The following RASGRF1 variants were observed in gnomAD, a reference collection of about 807,000 sequenced individuals.
RASGRF1 encodes the protein Ras protein specific guanine nucleotide releasing factor 1.
RASGRF1 carries 40 observed loss-of-function variants against 138.7 expected under a neutral mutation model. That is an observed-to-expected ratio of 0.29 (90% CI 0.22 to 0.38). The LOEUF is 0.38. Among genes scored for constraint, RASGRF1 ranks in the 10% least tolerant of loss-of-function variants. The pLI, the probability that RASGRF1 is intolerant of heterozygous loss-of-function variation, is 1.00. For missense variants in RASGRF1, 1,108 were observed against 1,650.4 expected, an observed-to-expected ratio of 0.67 and a Z score of 5.69; for synonymous variants, 614 against 663.2, an observed-to-expected ratio of 0.93 and a Z score of 1.14.
intron 1 of RASGRF1, among the ~76,000 whole-genome samples, chr15:79,069,239 T>TG (rs945046440): frequency 3.3e-5 from 5 of 152,300 alleles, no homozygotes; most frequent in African/African-American, 9.6e-5. Context: ...TGCTTCACCT[T>TG]GGGGTTCTGA....
At chr15:79,001,063 C>T (rs906328375) in intron 16 of RASGRF1, among the ~76,000 whole-genome samples, 5 of 152,190 alleles carry the variant, frequency 3.3e-5, no homozygotes, top group East Asian at 3.8e-4. Flanking sequence ...TTATGAAAAC[C>T]GGAGACCAAG....
intron 25 of RASGRF1, 76 bp from the exon 26 acceptor site, chr15:78,972,010 G>T (rs2055770553): frequency 1.6e-6 from 2 of 1,274,720 alleles, no homozygotes; most frequent in Admixed American, 3.4e-5. Context: ...AGCTGAAGGG[G>T]CATCAACAAC....
At chr15:78,984,260 G>A (rs975865245) in intron 23 of RASGRF1, among the ~76,000 whole-genome samples, 4 of 152,136 alleles carry the variant, frequency 2.6e-5, no homozygotes, top group African/African-American at 9.7e-5. Context: ...TGTCTACTGG[G>A]GGTGCTTGTC....
intron 18 of RASGRF1, 86 bp downstream of exon 18, chr15:78,998,633 C>T: frequency 3.5e-6 from 4 of 1,152,978 alleles, no homozygotes; most frequent in African/African-American, 1.5e-5. Flanking sequence ...CTCACTCTGC[C>T]CGCAGCTGCT....
intron 15 of RASGRF1, among the ~76,000 whole-genome samples, chr15:79,002,798 CT>C (rs986283649): frequency 5.9e-5 from 9 of 152,354 alleles, no homozygotes; most frequent in African/African-American, 2.2e-4. Context: ...GAGGATTTAT[CT>C]TGCCCCAGCT....
Position 78,961,382 on chromosome 15 carries a change from C to A in RASGRF1, c.*762G>T. The A allele has an allele frequency of 6.6e-6, 1 of 152,276 alleles. No homozygotes were observed. 9.4% of individuals were successfully genotyped at this position (152,276 alleles called of 1,614,324 possible). A position where few individuals can be genotyped will look rare whatever the true frequency, so the allele number is the denominator to read the frequency against. Reference sequence around the variant, plus strand: ...TTCCCGACTTTCAGTGGATGCTGGGCCAGTGGTCGGCAAGAGTCGACGTGG... The same window carrying A: ...TTCCCGACTTTCAGTGGATGCTGGGACAGTGGTCGGCAAGAGTCGACGTGG... On this transcript the variant is annotated 3_prime_UTR_variant, in exon 27 of 27. Coordinates refer to ENST00000558480, the MANE Select transcript of RASGRF1 (RefSeq NM_001145648.3).
At position 78,984,985 on chromosome 15, in the gene RASGRF1, G is replaced by C. The variant is rs11855236; in HGVS notation, c.3414+22C>G. The C allele has an allele frequency of 9.6e-3, 15,492 of 1,608,200 alleles. 1,187 individuals carry two copies. The African/African-American group carries it at 0.18, about 18-fold the overall frequency. ...CCCAATCCAGCCCCAGGGAGGCAGT[G>C]GTGCCAGCCTCCTGCCCGCACCTGC... On this transcript the variant is annotated intron_variant, in intron 23 of 26. Coordinates refer to ENST00000558480, the MANE Select transcript of RASGRF1 (RefSeq NM_001145648.3).
intron 19 of RASGRF1, among the ~76,000 whole-genome samples, chr15:78,996,737 C>T (rs62011188): frequency 3.3e-4 from 48 of 147,322 alleles, no homozygotes; most frequent in East Asian, 6.0e-4. Flanking sequence ...TGTGTGTGTG[C>T]GTGTGTGTGT....
chr15:79,024,040 AACACACACACACACAT>A (rs1567536064), intron 10 of RASGRF1, among the ~76,000 whole-genome samples: 10 of 146,322 alleles, frequency 6.8e-5, no homozygotes, highest in African/African-American at 2.3e-4. Context: ...CACACATACA[AACACACACACACACAT>A]ACACATACAC....
At chr15:79,039,499 T>C (rs986494012) in intron 5 of RASGRF1, among the ~76,000 whole-genome samples, 3 of 152,148 alleles carry the variant, frequency 2.0e-5, no homozygotes, top group African/African-American at 7.2e-5. Flanking sequence ...ATTATCTGTT[T>C]GTATGCATTC....
At chr15:78,994,356 T>C (rs903388681) in intron 20 of RASGRF1, among the ~76,000 whole-genome samples, 8 of 152,170 alleles carry the variant, frequency 5.3e-5, no homozygotes. Context: ...CCCTCACCAC[T>C]TCCAGGAACC....
intron 17 of RASGRF1, 57 bp downstream of exon 17, chr15:78,999,686 C>T (rs565393517): frequency 1.0e-5 from 16 of 1,571,732 alleles, no homozygotes; most frequent in South Asian, 2.2e-5. Context: ...GCTGCTATCA[C>T]CTGCCACTGG....
intron 26 of RASGRF1, among the ~76,000 whole-genome samples, 197 bp from the exon 27 acceptor site, chr15:78,962,433 A>AT (rs1488885709): frequency 6.6e-6 from 1 of 152,236 alleles, no homozygotes; most frequent in Non-Finnish European, 1.5e-5. Context: ...TCTTAGGATT[A>AT]TTATTTAATA....
chr15:79,019,337 C>A (rs770190627), intron 11 of RASGRF1, among the ~76,000 whole-genome samples: 39 of 152,140 alleles, frequency 2.6e-4, no homozygotes, highest in Non-Finnish European at 4.9e-4. Flanking sequence ...AGTGATCCCA[C>A]CCCCTAATCT....
chr15:79,006,635 C>A lies in RASGRF1; in HGVS notation c.1827-201G>T, dbSNP rs906411638. ...ATCCTAAAAACTCTCCATTATAAAA[C>A]CCCTAGAAATACTGGAGAAGTATTA... On this transcript the variant is annotated intron_variant, in intron 13 of 26. Transcript: ENST00000558480. The surrounding 1 kb of genome is among the most constrained non-coding windows in gnomAD (Gnocchi z 4.0). Among the ~76,000 whole-genome samples, 1 of 152,188 alleles carries A rather than the reference C, an allele frequency of 6.6e-6. No individual in the cohort carries two copies. The highest frequency in any genetic ancestry group is 1.5e-5 in the Non-Finnish European group (1 of 68,038).
At chr15:79,085,134 C>A (rs1365699506) in intron 1 of RASGRF1, among the ~76,000 whole-genome samples, 5 of 152,178 alleles carry the variant, frequency 3.3e-5, no homozygotes, top group Admixed American at 3.3e-4. Flanking sequence ...CTGTGATCAG[C>A]TGTATGAATG....
chr15:79,016,002 C>T (rs889040340), intron 12 of RASGRF1, among the ~76,000 whole-genome samples: 2 of 152,188 alleles, frequency 1.3e-5, no homozygotes, highest in African/African-American at 2.4e-5. Context: ...ACATTTCACT[C>T]GGCCTCCAAA....
At chr15:78,979,309 G>C (rs748270634) in intron 24 of RASGRF1, 7 of 748,096 alleles carry the variant, frequency 9.4e-6, no homozygotes, top group African/African-American at 9.3e-5. Context: ...GGAGGCAGAC[G>C]AGGCTGGCAG....
At chr15:78,982,258 G>A (rs551412862) in intron 23 of RASGRF1, among the ~76,000 whole-genome samples, 44 of 152,298 alleles carry the variant, frequency 2.9e-4, no homozygotes, top group African/African-American at 8.9e-4. Context: ...AAGTGTCACC[G>A]TACTCTGAGG....
Sources: gnomAD v4.1 joint callset for allele counts (sites outside exome capture counted in the v4.1 genomes callset) on GRCh38, gnomAD v4.1.1 for gene constraint, Gnocchi (gnomAD v3.1) non-coding constraint, MANE v1.5 for transcripts, NCBI Gene and HGNC (gene_info 2026-07-23, HGNC 2026-07-21) for gene names.